CA10: variants seen among roughly 807,000 people sequenced by gnomAD.
The protein encoded by CA10 is carbonic anhydrase-related protein 10.
A neutral mutation model predicts 44.2 loss-of-function variants in CA10; 14 were observed. The observed-to-expected ratio is 0.32, with a 90% CI of 0.21 to 0.50. The LOEUF is 0.50. Among genes scored for constraint, CA10 ranks in the 20% least tolerant of loss-of-function variants. The pLI is 0.99. For synonymous variants in CA10, 159 were observed against 141.6 expected (o/e 1.12, Z -0.87); for missense variants, 350 against 409.7 (o/e 0.85, Z 1.26).
chr17:51,635,575 C>T (rs765436193), intron 7 of CA10, among the ~76,000 whole-genome samples: 11 of 152,010 alleles, frequency 7.2e-5, no homozygotes, highest in South Asian at 2.1e-4. Context: ...TGCCAAAGCA[C>T]GTCAAAGATT....
intron 3 of CA10, among the ~76,000 whole-genome samples, chr17:51,891,648 G>C (rs150831448): frequency 2.0e-5 from 3 of 152,360 alleles, no homozygotes; most frequent in African/African-American, 7.2e-5. Flanking sequence ...ACATGAGAAA[G>C]CAGTTGGTTT....
At chr17:51,980,517 GTTTAA>G (rs956231913) in intron 2 of CA10, among the ~76,000 whole-genome samples, 9 of 152,182 alleles carry the variant, frequency 5.9e-5, no homozygotes, top group African/African-American at 2.2e-4. Context: ...AAGCTCTTAA[GTTTAA>G]TTAGATCCCA....
rs555545287 is a variant in CA10, at chr17:51,730,728, T to C, written c.465+16905A>G. On this transcript the variant is annotated intron_variant, in intron 4 of 8. Coordinates refer to ENST00000451037, the MANE Select transcript of CA10 (RefSeq NM_020178.5). ...AATTAAATAATATAACCTGCAATGT[T>C]GATGAAGCTTAGCCTCTGTGCAAGA... Among the ~76,000 whole-genome samples, 13 of 152,328 alleles carry C rather than the reference T, an allele frequency of 8.5e-5. No individual in the cohort carries two copies. The East Asian group carries it at 2.5e-3, about 29-fold the overall frequency.
intron 1 of CA10, among the ~76,000 whole-genome samples, chr17:52,153,632 G>T (rs1006904917): frequency 1.5e-4 from 23 of 152,142 alleles, no homozygotes; most frequent in Non-Finnish European, 1.2e-4. Context: ...AAATTATTTA[G>T]CCAAGGCTTC....
At chr17:51,970,829 G>A (rs1984255204) in intron 2 of CA10, among the ~76,000 whole-genome samples, 2 of 151,822 alleles carry the variant, frequency 1.3e-5, no homozygotes, top group South Asian at 2.1e-4. Flanking sequence ...ATATTGTCAG[G>A]TAAAATACCT....
intron 2 of CA10, among the ~76,000 whole-genome samples, chr17:52,068,969 T>C (rs912345787): frequency 2.0e-5 from 3 of 152,212 alleles, no homozygotes; most frequent in African/African-American, 7.2e-5. Context: ...GTCTACAGCG[T>C]AAGCCGATAG....
Position 52,072,392 on chromosome 17 carries a change from A to G in CA10, c.63T>C (p.Ala21=). 6.2e-7 allele frequency: 1 copy of G among 1,611,780 alleles called. No homozygotes were observed. The highest frequency in any genetic ancestry group is 8.5e-7 in the Non-Finnish European group (1 of 1,178,028). Residue 21 remains alanine, a splice_region_variant and synonymous_variant, in exon 2 of 9, where the codon GCT becomes GCC. Coordinates refer to ENST00000451037, the MANE Select transcript of CA10 (RefSeq NM_020178.5). The part of the protein sequence containing the change: ...LQANFIVCIS[A]QQNSPKIHEG... ...CATGGATTTTTGGTGAATTCTGTTGAGCTAAAGGAAAAGCAAAGAAGAGAG... is the reference window on the plus strand; with the variant it reads ...CATGGATTTTTGGTGAATTCTGTTGGGCTAAAGGAAAAGCAAAGAAGAGAG...
chr17:52,155,577 G>T (rs180926072), intron 1 of CA10, among the ~76,000 whole-genome samples: 1 of 152,298 alleles, frequency 6.6e-6, no homozygotes, highest in East Asian at 1.9e-4. Context: ...CTGCTTACAG[G>T]AGGATGAGGC....
chr17:51,952,804 C>T (rs1165811397), intron 2 of CA10, among the ~76,000 whole-genome samples: 2 of 152,138 alleles, frequency 1.3e-5, no homozygotes, highest in Non-Finnish European at 2.9e-5. Context: ...AAAGCACACA[C>T]TGCCTTTATT....
At chr17:51,959,271 G>A (rs9903539) in intron 2 of CA10, among the ~76,000 whole-genome samples, 16 of 51,784 alleles carry the variant, frequency 3.1e-4, no homozygotes, top group Non-Finnish European at 6.2e-4. Context: ...TCTCTCTCTC[G>A]CTCTCTCTCT....
chr17:51,688,564 G>A (rs1271037143), intron 4 of CA10, among the ~76,000 whole-genome samples: 1 of 152,170 alleles, frequency 6.6e-6, no homozygotes, highest in Admixed American at 6.5e-5. Context: ...GATGATGTCT[G>A]TGTTTGGAAC....
chr17:51,699,383 G>A (rs1178729057), intron 4 of CA10, among the ~76,000 whole-genome samples: 1 of 151,236 alleles, frequency 6.6e-6, no homozygotes, highest in African/African-American at 2.4e-5. Context: ...TTGCTGGATA[G>A]TAAGGTGGTT....
chr17:52,116,566 A>G (rs556545409), intron 1 of CA10, among the ~76,000 whole-genome samples: 62 of 152,296 alleles, frequency 4.1e-4, no homozygotes, highest in African/African-American at 1.5e-3. Flanking sequence ...GGATTCGGGA[A>G]TAAAAAGATG....
chr17:51,923,925 G>C (rs1982326703), intron 3 of CA10, among the ~76,000 whole-genome samples: 1 of 151,980 alleles, frequency 6.6e-6, no homozygotes, highest in Non-Finnish European at 1.5e-5. Flanking sequence ...GCGCTGTCAT[G>C]GATAACCCCA....
At chr17:51,747,904 T>G (rs1279568823) in intron 3 of CA10, 86 bp from the exon 4 acceptor site, 16 of 1,022,776 alleles carry the variant, frequency 1.6e-5, no homozygotes, top group East Asian at 7.3e-5. Context: ...ATCAACACCT[T>G]TTGCTTCCTC....
chr17:51,831,684 G>GCAGCAGCAT (rs1555604045), intron 3 of CA10, among the ~76,000 whole-genome samples: 61 of 57,444 alleles, frequency 1.1e-3, no homozygotes, highest in African/African-American at 4.3e-3. Flanking sequence ...AGCAGCAGCA[G>GCAGCAGCAT]CAGCAGCAGC....
intron 2 of CA10, among the ~76,000 whole-genome samples, chr17:51,966,560 T>C (rs1015530827): frequency 1.3e-5 from 2 of 151,384 alleles, no homozygotes; most frequent in Non-Finnish European, 3.0e-5. Context: ...CACACACCTA[T>C]GAACATCTAA....
intron 2 of CA10, among the ~76,000 whole-genome samples, chr17:52,049,502 A>G (rs1382524951): frequency 6.6e-6 from 1 of 152,114 alleles, no homozygotes. Context: ...ACAAAACCTC[A>G]CTATGTTCAC....
In CA10 at chr17:52,010,144, C is replaced by T. The variant is rs182147172; in HGVS notation, c.136+62175G>A. Among the ~76,000 whole-genome samples, 176 of 151,868 alleles carry T rather than the reference C, an allele frequency of 1.2e-3. 2 individuals are homozygous for T. Among genetic ancestry groups the T allele is most frequent in the Non-Finnish European group, 3.5e-4 (24 of 67,888 alleles). ...CTGTGAAAAGGGAACACTTTTACAC[C>T]GTTGGTGGGAATGTAAACTTGTACA... On this transcript the variant is annotated intron_variant, in intron 2 of 8. Coordinates refer to ENST00000451037, the MANE Select transcript of CA10 (RefSeq NM_020178.5).
Sources: allele counts gnomAD v4.1 joint callset (sites outside exome capture counted in the v4.1 genomes callset), GRCh38; gene constraint gnomAD v4.1.1; transcripts MANE v1.5; gene names NCBI Gene and HGNC (gene_info 2026-07-23, HGNC 2026-07-21).